DOCK1: variants seen among roughly 807,000 people sequenced by gnomAD.
DOCK1 encodes dedicator of cytokinesis 1, also known as dedicator of cytokinesis protein 1.
In DOCK1, 138 loss-of-function variants were observed where a neutral mutation model predicts 262.7. That is an observed-to-expected ratio of 0.53 (90% confidence interval 0.46 to 0.61). DOCK1 has a LOEUF of 0.61. Ranked by LOEUF, DOCK1 falls within the 20% of genes least tolerant of loss-of-function variation. The pLI is 0.00. For synonymous variants in DOCK1, 866 were observed against 867.4 expected, an observed-to-expected ratio of 1.00 and a Z score of 0.03; for missense variants, 1,908 against 2,370.7, an observed-to-expected ratio of 0.80 and a Z score of 4.05.
intron 28 of DOCK1, among the ~76,000 whole-genome samples, chr10:127,255,736 C>A (rs1178889360): frequency 6.6e-6 from 1 of 152,142 alleles, no homozygotes; most frequent in Non-Finnish European, 1.5e-5. Flanking sequence ...TGCTTCTCTT[C>A]CAGAATAATA....
chr10:127,247,620 G>A (rs1261805578), intron 27 of DOCK1, among the ~76,000 whole-genome samples: 1 of 152,068 alleles, frequency 6.6e-6, no homozygotes, highest in Non-Finnish European at 1.5e-5. Flanking sequence ...TTCCAGTCTG[G>A]ACAACCCTGT....
At chr10:127,307,170 G>A (rs922128561) in intron 29 of DOCK1, among the ~76,000 whole-genome samples, 10 of 152,078 alleles carry the variant, frequency 6.6e-5, no homozygotes, top group African/African-American at 2.4e-4. Context: ...CTTTCATTTT[G>A]TTTTTGTATT....
At chr10:126,907,202 A>G (rs1160006109) in intron 1 of DOCK1, among the ~76,000 whole-genome samples, 1 of 152,092 alleles carries the variant, frequency 6.6e-6, no homozygotes, top group Non-Finnish European at 1.5e-5. Context: ...CTGCGGGGGT[A>G]GTGTGTAGAG....
intron 24 of DOCK1, among the ~76,000 whole-genome samples, chr10:127,108,023 G>C (rs1026559438): frequency 6.6e-6 from 1 of 152,232 alleles, no homozygotes; most frequent in African/African-American, 2.4e-5. Flanking sequence ...GAGGTCCTAG[G>C]AAGACCTGCT....
intron 38 of DOCK1, among the ~76,000 whole-genome samples, chr10:127,396,895 C>T (rs1203029257): frequency 1.3e-5 from 2 of 152,194 alleles, no homozygotes; most frequent in East Asian, 1.9e-4. Flanking sequence ...GGCAGTGACT[C>T]CTATGTGATC....
intron 12 of DOCK1, among the ~76,000 whole-genome samples, chr10:127,017,810 C>T (rs567730090): frequency 0.016 from 896 of 55,364 alleles, 11 homozygotes; most frequent in Non-Finnish European, 0.027. Context: ...AAGATGCCGT[C>T]GTCGTAGAAG....
chr10:127,370,792 A>G (rs866034646), intron 33 of DOCK1, among the ~76,000 whole-genome samples: 2 of 152,204 alleles, frequency 1.3e-5, no homozygotes, highest in Admixed American at 6.5e-5. Flanking sequence ...CCTTCTATTC[A>G]TAAGTGTTCT....
intron 27 of DOCK1, among the ~76,000 whole-genome samples, chr10:127,174,571 C>T (rs564024766): frequency 6.6e-6 from 1 of 152,278 alleles, no homozygotes; most frequent in South Asian, 2.1e-4. Context: ...TCTGCAGCCC[C>T]ACTGGACACA....
In DOCK1 at chr10:127,004,784, C is replaced by CAAA. The variant is rs568201071; in HGVS notation, c.986-3942_986-3940dup. On this transcript the variant is annotated intron_variant, in intron 10 of 51. Transcript: ENST00000623213. Reference sequence around the variant, plus strand: ...CCCCTGCCCCGCCACCCCCCCGCCCCAAAAAAAAGAAAAAAGTCTTGCACA... The same window carrying CAAA: ...CCCCTGCCCCGCCACCCCCCCGCCCCAAAAAAAAAAAGAAAAAAGTCTTGCACA... 2.0e-5 allele frequency among the ~76,000 whole-genome samples: 2 copies of CAAA among 98,416 alleles called. 1 individual carries two copies. Among genetic ancestry groups the CAAA allele is most frequent in the African/African-American group, 6.6e-5 (2 of 30,248 alleles). The allele number at this position is 98,416 out of a possible 152,430, so 64.6% of individuals were successfully genotyped here.
chr10:127,036,849 C>T (rs940272823), intron 18 of DOCK1, among the ~76,000 whole-genome samples: 3 of 151,746 alleles, frequency 2.0e-5, no homozygotes, highest in African/African-American at 7.3e-5. Flanking sequence ...TGGTGGCGGG[C>T]GCCTGTAATC....
chr10:127,023,542 CTTTTTTTTTT>C (rs10652401), intron 14 of DOCK1, among the ~76,000 whole-genome samples: 1 of 124,382 alleles, frequency 8.0e-6, no homozygotes, highest in South Asian at 2.7e-4. Context: ...TCCCTGTGGT[CTTTTTTTTTT>C]TTTTTTTTGA....
At chr10:127,137,740 C>T (rs2050822513) in intron 27 of DOCK1, 1 of 1,168,582 alleles carries the variant, frequency 8.6e-7, no homozygotes, top group Non-Finnish European at 1.2e-6. Context: ...CCTGAATGGG[C>T]ACCACAGTTC....
intron 21 of DOCK1, 140 bp from the exon 22 acceptor site, chr10:127,052,541 G>C (rs1436712731): frequency 9.4e-7 from 1 of 1,063,976 alleles, no homozygotes; most frequent in Non-Finnish European, 1.3e-6. Context: ...AAAAAAAAAA[G>C]AGAAAACGTT....
chr10:127,175,379 C>A lies in DOCK1; in HGVS notation c.2847+47615C>A, dbSNP rs771469519. ...GTTGGCATTCTTCACCTGCAGCAAC[C>A]GCTGTGGGACTAGGCTGGTTCCCCA... is the stretch of plus-strand genomic sequence containing the variant. On this transcript the variant is annotated intron_variant, in intron 27 of 51. Coordinates refer to ENST00000623213, the MANE Select transcript of DOCK1 (RefSeq NM_001290223.2). This position sits in a 1 kb window ranked among gnomAD's most constrained non-coding sequence, Gnocchi z 6.3. The A allele has an allele frequency of 6.2e-7, 1 of 1,613,990 alleles. No individual in the cohort carries two copies. Among genetic ancestry groups the A allele is most frequent in the Admixed American group, 1.7e-5 (1 of 60,026 alleles).
At chr10:127,109,985 T>A (rs1028715984) in intron 24 of DOCK1, among the ~76,000 whole-genome samples, 4 of 152,196 alleles carry the variant, frequency 2.6e-5, no homozygotes, top group African/African-American at 9.7e-5. Context: ...GTGTGACTGT[T>A]CTCATTTCAT....
Position 126,960,116 on chromosome 10 carries a change from C to T in DOCK1, c.47-10586C>T, listed in dbSNP as rs1333362677. ...TGCTTGAAGTAAGTACAAGCAAAGCCGCAGTGGTTTCCAGTGGGTTTAACA... is the reference window on the plus strand; with the variant it reads ...TGCTTGAAGTAAGTACAAGCAAAGCTGCAGTGGTTTCCAGTGGGTTTAACA... On this transcript the variant is annotated intron_variant, in intron 1 of 51. Coordinates refer to ENST00000623213, the MANE Select transcript of DOCK1 (RefSeq NM_001290223.2). 7.9e-5 allele frequency among the ~76,000 whole-genome samples: 12 copies of T among 152,280 alleles called. No individual in the cohort carries two copies. The East Asian group carries it at 9.7e-4, about 12-fold the overall frequency.
At chr10:126,984,861 CTA>C (rs1276881465) in intron 4 of DOCK1, among the ~76,000 whole-genome samples, 1 of 151,790 alleles carries the variant, frequency 6.6e-6, no homozygotes, top group Non-Finnish European at 1.5e-5. Context: ...CAATACATAG[CTA>C]TTGTAGTCAC....
chr10:126,927,512 C>T (rs1404110815), intron 1 of DOCK1, among the ~76,000 whole-genome samples: 2 of 152,090 alleles, frequency 1.3e-5, no homozygotes, highest in Non-Finnish European at 2.9e-5. Flanking sequence ...TCTCGGCTCA[C>T]TGCAACCTCC....
At chr10:127,044,912 C>T (rs1175509044) in intron 21 of DOCK1, among the ~76,000 whole-genome samples, 2 of 152,068 alleles carry the variant, frequency 1.3e-5, no homozygotes, top group African/African-American at 2.4e-5. Flanking sequence ...ATAGTATCCT[C>T]ATGGCCGGGT....
Sources: gnomAD v4.1 joint callset for allele counts (sites outside exome capture counted in the v4.1 genomes callset) on GRCh38, gnomAD v4.1.1 for gene constraint, Gnocchi (gnomAD v3.1) non-coding constraint, MANE v1.5 for transcripts, NCBI Gene and HGNC (gene_info 2026-07-23, HGNC 2026-07-21) for gene names.